Variants in PRDM16 observed in about 807,000 individuals in gnomAD.
PRDM16 encodes PR/SET domain 16, also known as histone-lysine N-methyltransferase PRDM16.
In PRDM16, 23 loss-of-function variants were observed where a neutral mutation model predicts 110.6. That is an observed-to-expected ratio of 0.21 (90% CI 0.15 to 0.29). PRDM16 has a LOEUF of 0.29. Among genes scored for constraint, PRDM16 ranks in the 10% least tolerant of loss-of-function variants. PRDM16 has a pLI of 1.00. For missense variants in PRDM16, 1,615 were observed against 1,794.3 expected (o/e 0.90, Z 1.81); for synonymous variants, 799 against 781.8 (o/e 1.02, Z -0.37).
At chr1:3,379,009 A>G (rs1364611250) in intron 3 of PRDM16, among the ~76,000 whole-genome samples, 1 of 151,398 alleles carries the variant, frequency 6.6e-6, no homozygotes, top group Non-Finnish European at 1.5e-5. Flanking sequence ...GAGACCCCAC[A>G]CCTGACTGTG....
rs950137534 is a variant in PRDM16 at position 3,244,198 on chromosome 1, C to T, written c.438+61C>T. 61 of 1,462,734 alleles carry T rather than the reference C, an allele frequency of 4.2e-5. No homozygotes were observed. The highest frequency in any genetic ancestry group is 5.4e-5 in the Non-Finnish European group (56 of 1,045,662). 90.6% of individuals were successfully genotyped at this position (1,462,734 alleles called of 1,614,324 possible). ...AGCGTCCTCGGAGCTCCTGGCGGGG[C>T]GACCGCCATCCCAGCTGTCCCTGAG... On this transcript the variant is annotated intron_variant, in intron 3 of 16. Coordinates refer to ENST00000270722, the MANE Select transcript of PRDM16 (RefSeq NM_022114.4). The surrounding 1 kb of genome is among the most constrained non-coding windows in gnomAD (Gnocchi z 4.1).
chr1:3,091,505 C>T (rs751864015), intron 1 of PRDM16, among the ~76,000 whole-genome samples: 3 of 152,236 alleles, frequency 2.0e-5, no homozygotes, highest in Admixed American at 6.5e-5. Flanking sequence ...ATCCACTCCT[C>T]GTGCCGGCTC....
chr1:3,194,899 G>A (rs772941146), intron 2 of PRDM16, among the ~76,000 whole-genome samples: 4 of 152,234 alleles, frequency 2.6e-5, no homozygotes, highest in Non-Finnish European at 5.9e-5. Context: ...CCCGGGACGT[G>A]GCCTGGCTCT....
intron 2 of PRDM16, among the ~76,000 whole-genome samples, chr1:3,227,550 G>A (rs1386406843): frequency 2.0e-5 from 3 of 152,244 alleles, no homozygotes; most frequent in Admixed American, 6.5e-5. Context: ...CCGCAGCTGC[G>A]GCGGGGCTCT....
chr1:3,096,765 G>A (rs1463815945), intron 1 of PRDM16, among the ~76,000 whole-genome samples: 1 of 152,206 alleles, frequency 6.6e-6, no homozygotes, highest in African/African-American at 2.4e-5. Flanking sequence ...GAGCCGAGCA[G>A]GGTGGGTGTG....
chr1:3,071,932 C>T (rs943035632), intron 1 of PRDM16, among the ~76,000 whole-genome samples: 2 of 152,206 alleles, frequency 1.3e-5, no homozygotes, highest in Non-Finnish European at 2.9e-5. Context: ...GTGGGTTAGT[C>T]CTCTGGATTG....
At chr1:3,378,166 C>A (rs1316598569) in intron 3 of PRDM16, among the ~76,000 whole-genome samples, 3 of 152,230 alleles carry the variant, frequency 2.0e-5, no homozygotes, top group African/African-American at 4.8e-5. Context: ...ATGGCTGCGA[C>A]CTTGGACACC....
At position 3,430,893 on chromosome 1, in the gene PRDM16, C is replaced by G. The variant is rs199800219; in HGVS notation, c.3306C>G (p.Asp1102Glu). 6.2e-7 allele frequency: 1 copy of G among 1,614,072 alleles called. No individual in the cohort carries two copies. Among genetic ancestry groups the G allele is most frequent in the Non-Finnish European group, 8.5e-7 (1 of 1,180,004 alleles). The change falls in exon 15 of 17, where the codon GAC (aspartate) becomes GAG (glutamate). Residue 1102 changes from aspartate to glutamate, a missense_variant. Asp to Glu is a conservative substitution (Grantham distance 45). Transcript: ENST00000270722. ...TEKRADMQIV[D>E]GSAQCPGLAS... is the part of the protein sequence containing the mutation. ...TCAGGGCGGACATGCAGATCGTGGA[C>G]GGCAGTGCCCAGTGTCCAGGCCTAG... is the stretch of plus-strand genomic sequence containing the variant.
At chr1:3,088,412 C>T (rs1018518641) in intron 1 of PRDM16, among the ~76,000 whole-genome samples, 3 of 152,008 alleles carry the variant, frequency 2.0e-5, no homozygotes, top group African/African-American at 7.3e-5. Flanking sequence ...AGCAGGCTTT[C>T]CCCCGAATAC....
intron 1 of PRDM16, among the ~76,000 whole-genome samples, chr1:3,079,167 C>T (rs1641963138): frequency 6.6e-6 from 1 of 152,262 alleles, no homozygotes; most frequent in South Asian, 2.1e-4. Context: ...TCCGCCGCTG[C>T]CCGGGCCTGT....
chr1:3,361,300 G>A lies in PRDM16; in HGVS notation c.439-23852G>A, dbSNP rs577972940. Among the ~76,000 whole-genome samples the A allele has an allele frequency of 8.5e-5, 13 of 152,230 alleles. No homozygotes were observed. The South Asian group carries it at 2.5e-3, about 29-fold the overall frequency. On this transcript the variant is annotated intron_variant, in intron 3 of 16. Transcript: ENST00000270722. ...GCCAGCCCCCAACAGGGCTGGAGAC[G>A]GGGTCTCTGGGGATGACGTGTTGAA...
Position 3,157,463 on chromosome 1 carries a change from G to A in PRDM16, c.38-28662G>A, listed in dbSNP as rs1643868404. On this transcript the variant is annotated intron_variant, in intron 1 of 16. Transcript: ENST00000270722. This position sits in a 1 kb window ranked among gnomAD's most constrained non-coding sequence, Gnocchi z 4.8. Reference sequence around the variant, plus strand: ...AAAAACACCTTTGTGGGGGCTGGGGGTTGATTGTCTCTTGAAAACAGACAT... The same window carrying A: ...AAAAACACCTTTGTGGGGGCTGGGGATTGATTGTCTCTTGAAAACAGACAT... Among the ~76,000 whole-genome samples the A allele has an allele frequency of 6.6e-6, 1 of 151,118 alleles. No homozygotes were observed. The highest frequency in any genetic ancestry group is 2.4e-5 in the African/African-American group (1 of 41,064).
chr1:3,134,310 T>C (rs1643393198), intron 1 of PRDM16, among the ~76,000 whole-genome samples: 1 of 152,116 alleles, frequency 6.6e-6, no homozygotes, highest in Non-Finnish European at 1.5e-5. Flanking sequence ...GCTTGATTCT[T>C]GAAGAGAGGA....
chr1:3,370,410 G>C lies in PRDM16; in HGVS notation c.439-14742G>C, dbSNP rs1389028762. Among the ~76,000 whole-genome samples, 1 of 152,262 alleles carries C rather than the reference G, an allele frequency of 6.6e-6. No individual in the cohort carries two copies. ...GGGAAACGGAGGCATAGGGAGTGCT[G>C]GCTGACAGTCTCAGTCATCTGGAGG... On this transcript the variant is annotated intron_variant, in intron 3 of 16. Transcript: ENST00000270722. The surrounding 1 kb of genome is among the most constrained non-coding windows in gnomAD (Gnocchi z 4.8).
chr1:3,337,325 C>T (rs7516150), intron 3 of PRDM16, among the ~76,000 whole-genome samples: 55,334 of 152,078 alleles, frequency 0.36, 10,854 homozygotes, highest in East Asian at 0.68. Flanking sequence ...CACCTGAGAG[C>T]TGGCACATTC....
At chr1:3,122,339 AAC>A (rs1427844964) in intron 1 of PRDM16, among the ~76,000 whole-genome samples, 2 of 152,092 alleles carry the variant, frequency 1.3e-5, no homozygotes, top group Non-Finnish European at 2.9e-5. Flanking sequence ...CAAACATTCA[AAC>A]ACAGCTCCTG....
intron 8 of PRDM16, among the ~76,000 whole-genome samples, chr1:3,408,663 AGAGTGTGTGAGTGT>A (rs1643605093): frequency 1.4e-5 from 2 of 140,126 alleles, no homozygotes; most frequent in African/African-American, 5.6e-5. Flanking sequence ...GGCATGTGTG[AGAGTGTGTGAGTGT>A]GAGCACGTGA....
intron 3 of PRDM16, among the ~76,000 whole-genome samples, chr1:3,295,568 C>T (rs948813143): frequency 5.9e-5 from 9 of 152,146 alleles, no homozygotes; most frequent in Non-Finnish European, 1.3e-4. Flanking sequence ...GGCCCCTTCA[C>T]TGTCACCTCC....
At chr1:3,100,212 G>A (rs1007446645) in intron 1 of PRDM16, among the ~76,000 whole-genome samples, 7 of 152,110 alleles carry the variant, frequency 4.6e-5, no homozygotes, top group Admixed American at 6.5e-5. Context: ...CCCCCTGCCC[G>A]CTCTGTGACG....
Sources: gnomAD v4.1 joint callset for allele counts (sites outside exome capture counted in the v4.1 genomes callset) on GRCh38, gnomAD v4.1.1 for gene constraint, Gnocchi (gnomAD v3.1) non-coding constraint, MANE v1.5 for transcripts, NCBI Gene and HGNC (gene_info 2026-07-23, HGNC 2026-07-21) for gene names.